Variants in DNAJC12 observed in about 807,000 individuals in gnomAD.
DNAJC12 encodes DnaJ heat shock protein family (Hsp40) member C12, also known as dnaJ homolog subfamily C member 12.
Under a neutral mutation model 28.5 loss-of-function variants are expected in DNAJC12, and 25 were observed. That is an observed-to-expected ratio of 0.88 (90% confidence interval 0.64 to 1.22). The LOEUF (loss-of-function observed/expected upper bound fraction) is 1.22. Among genes scored for constraint, DNAJC12 ranks in the 50% most tolerant of loss-of-function variants. The pLI, the probability that DNAJC12 is intolerant of heterozygous loss-of-function variation, is 0.00. For missense variants in DNAJC12, 222 were observed against 231.7 expected (o/e 0.96, Z 0.27); for synonymous variants, 77 against 80.6 (o/e 0.95, Z 0.24).
chr10:67,801,010 T>C (rs1841738619), intron 4 of DNAJC12, among the ~76,000 whole-genome samples: 1 of 152,192 alleles, frequency 6.6e-6, no homozygotes, highest in Admixed American at 6.5e-5. Context: ...ATTTTAGAAC[T>C]GTATTTATCA....
intron 1 of DNAJC12, among the ~76,000 whole-genome samples, chr10:67,836,306 G>T (rs1378148457): frequency 6.6e-6 from 1 of 150,848 alleles, no homozygotes; most frequent in African/African-American, 2.4e-5. Context: ...CCTGGCACAT[G>T]TGTATCTATG....
intron 3 of DNAJC12, among the ~76,000 whole-genome samples, chr10:67,809,075 T>A (rs1216197075): frequency 6.6e-6 from 1 of 152,236 alleles, no homozygotes; most frequent in African/African-American, 2.4e-5. Context: ...ATTTGTCAAA[T>A]GATCAATTCA....
Position 67,811,435 on chromosome 10 carries a change from G to T in DNAJC12, c.297+89C>A, listed in dbSNP as rs544869970. 4 of 1,557,566 alleles carry T rather than the reference G, an allele frequency of 2.6e-6. No individual in the cohort carries two copies. The African/African-American group carries it at 4.1e-5, about 16-fold the overall frequency. ...ACTTCTTGGTTTTCTCCCTCCTATC[G>T]CCTAATGACTCTTTAAGCTACTACA... On this transcript the variant is annotated intron_variant, in intron 3 of 4. Coordinates refer to ENST00000225171, the MANE Select transcript of DNAJC12 (RefSeq NM_021800.3).
At position 67,814,733 on chromosome 10, in the gene DNAJC12, C is replaced by T. The variant is rs1297686790; in HGVS notation, c.158-3070G>A. 2.0e-5 allele frequency among the ~76,000 whole-genome samples: 3 copies of T among 152,050 alleles called. No homozygotes were observed. The East Asian group carries it at 5.8e-4, about 29-fold the overall frequency. On this transcript the variant is annotated intron_variant, in intron 2 of 4. Coordinates refer to ENST00000225171, the MANE Select transcript of DNAJC12 (RefSeq NM_021800.3). ...TGAACATTTCTCCAAAGAAGATATA[C>T]AAATAGCCAACAAGCACCTGAAAAT...
intron 3 of DNAJC12, among the ~76,000 whole-genome samples, chr10:67,809,166 AT>A (rs548227404): frequency 3.9e-5 from 6 of 152,180 alleles, no homozygotes; most frequent in East Asian, 3.9e-4. Context: ...GCTTATGAGA[AT>A]TTTTTTTAGC....
At chr10:67,829,134 A>C (rs1352182567) in intron 1 of DNAJC12, among the ~76,000 whole-genome samples, 1 of 152,068 alleles carries the variant, frequency 6.6e-6, no homozygotes, top group Admixed American at 6.6e-5. Context: ...GGGAAGCAAA[A>C]AGCAGACTCG....
At chr10:67,829,762 G>A (rs2131814059) in intron 1 of DNAJC12, among the ~76,000 whole-genome samples, 1 of 152,186 alleles carries the variant, frequency 6.6e-6, no homozygotes, top group East Asian at 1.9e-4. Context: ...CCAATAATAG[G>A]ATGTTTGTTA....
At chr10:67,801,932 G>T (rs12773301) in intron 4 of DNAJC12, among the ~76,000 whole-genome samples, 24,663 of 131,352 alleles carry the variant, frequency 0.19, 2,253 homozygotes, top group African/African-American at 0.27. Context: ...CAGGATCATA[G>T]CTCACTGCAG....
intron 1 of DNAJC12, chr10:67,827,590 G>A (rs963066717): frequency 5.9e-5 from 9 of 152,174 alleles, no homozygotes; most frequent in African/African-American, 2.2e-4. Flanking sequence ...AGGAGGCTGA[G>A]GCTGGAGAAT....
chr10:67,810,533 C>T (rs1841848803), intron 3 of DNAJC12, among the ~76,000 whole-genome samples: 1 of 152,146 alleles, frequency 6.6e-6, no homozygotes, highest in African/African-American at 2.4e-5. Flanking sequence ...CCAAACAATG[C>T]TTTTCCGTTC....
Position 67,818,357 on chromosome 10 carries a change from A to G in DNAJC12, c.157+4957T>C, listed in dbSNP as rs192544530. 2.0e-4 allele frequency among the ~76,000 whole-genome samples: 30 copies of G among 152,342 alleles called. No homozygotes were observed. The East Asian group carries it at 3.8e-3, about 20-fold the overall frequency. The stretch of plus-strand genomic sequence containing the variant: ...AACCTCTACCCAAAGGTTGAATCAT[A>G]TATCAAATGCATGCCTGCCTAGAGA... On this transcript the variant is annotated intron_variant, in intron 2 of 4. Transcript: ENST00000225171.
chr10:67,803,349 A>C (rs542482336), intron 4 of DNAJC12, among the ~76,000 whole-genome samples: 142 of 152,300 alleles, frequency 9.3e-4, no homozygotes, highest in African/African-American at 3.1e-3. Flanking sequence ...TTACTTTTAA[A>C]GCTCTCATAA....
In DNAJC12 at chr10:67,835,794, A is replaced by G. The variant is rs1842137518; in HGVS notation, c.78+2140T>C. Among the ~76,000 whole-genome samples the G allele has an allele frequency of 2.0e-5, 3 of 152,146 alleles. No individual in the cohort carries two copies. In the South Asian group the frequency reaches 6.2e-4, roughly 31 times the overall value. ...TATTATGACAAACATTTCATTAAAA[A>G]TAAATAATTGTTATCTAGATATGAT... is the stretch of plus-strand genomic sequence containing the variant. On this transcript the variant is annotated intron_variant, in intron 1 of 4. Coordinates refer to ENST00000225171, the MANE Select transcript of DNAJC12 (RefSeq NM_021800.3).
intron 1 of DNAJC12, among the ~76,000 whole-genome samples, chr10:67,827,964 C>T (rs1842053782): frequency 6.6e-6 from 1 of 152,120 alleles, no homozygotes; most frequent in African/African-American, 2.4e-5. Flanking sequence ...TATTTATCTT[C>T]TGGCCTCCCT....
At chr10:67,823,975 C>G (rs1056754010) in intron 1 of DNAJC12, among the ~76,000 whole-genome samples, 1 of 152,128 alleles carries the variant, frequency 6.6e-6, no homozygotes, top group Non-Finnish European at 1.5e-5. Flanking sequence ...TGGTGGCTCA[C>G]GCCTGTAATC....
rs1465419534 is a variant in DNAJC12, at chr10:67,823,330, A to C, written c.141T>G (p.Pro47=). ...AGTTCTTACCAGCTTTGGGGTTTTC[A>C]GGATGCTTGTCTGGGTGACATTCCA... ...RALECHPDKH[P]ENPKAVETFQ... Residue 47 remains proline (P), a synonymous_variant, in exon 2 of 5, where the codon CCT becomes CCG. Coordinates refer to ENST00000225171, the MANE Select transcript of DNAJC12 (RefSeq NM_021800.3). 6.2e-7 allele frequency: 1 copy of C among 1,614,084 alleles called. No homozygotes were observed. The highest frequency in any genetic ancestry group is 1.1e-5 in the South Asian group (1 of 91,076).
chr10:67,810,106 A>C (rs1841844447), intron 3 of DNAJC12, among the ~76,000 whole-genome samples: 2 of 152,178 alleles, frequency 1.3e-5, no homozygotes, highest in Admixed American at 6.5e-5. Flanking sequence ...GGAAACTTAC[A>C]ATCATGGCGG....
intron 4 of DNAJC12, among the ~76,000 whole-genome samples, chr10:67,799,623 G>A (rs182380734): frequency 9.4e-4 from 143 of 152,278 alleles, no homozygotes; most frequent in African/African-American, 3.0e-3. Flanking sequence ...GGTGGCTCAC[G>A]CCTGTGATCC....
At chr10:67,823,470 G>A (rs1842000503) in intron 1 of DNAJC12, 78 bp from the exon 2 acceptor site, 2 of 1,207,278 alleles carry the variant, frequency 1.7e-6, no homozygotes, top group Non-Finnish European at 2.4e-6. Flanking sequence ...AACACTTTGG[G>A]AGGCTGAGGC....
Sources: gnomAD v4.1 joint callset for allele counts (sites outside exome capture counted in the v4.1 genomes callset) on GRCh38, gnomAD v4.1.1 for gene constraint, MANE v1.5 for transcripts, NCBI Gene and HGNC (gene_info 2026-07-23, HGNC 2026-07-21) for gene names.